The following ANKS3 variants were observed in gnomAD, a reference collection of about 807,000 sequenced individuals.
The protein encoded by ANKS3 is ankyrin repeat and sterile alpha motif domain containing 3, also known as ankyrin repeat and SAM domain-containing protein 3.
In ANKS3, 62 loss-of-function variants were observed where a neutral mutation model predicts 80.7. That is an observed-to-expected ratio of 0.77 (90% CI 0.63 to 0.95). The LOEUF (loss-of-function observed/expected upper bound fraction) is 0.95. Ranked by LOEUF, ANKS3 falls within the 40% of genes least tolerant of loss-of-function variation. The pLI is 0.00. For synonymous variants in ANKS3, 489 were observed against 355.3 expected (o/e 1.38, Z -4.23); for missense variants, 1,150 against 883.6 (o/e 1.30, Z -3.82).
At chr16:4,721,661 G>C (rs1386473924) in intron 6 of ANKS3, among the ~76,000 whole-genome samples, 1 of 126,854 alleles carries the variant, frequency 7.9e-6, no homozygotes, top group Admixed American at 8.2e-5. Flanking sequence ...TTTATTTAGA[G>C]ATAGTCTCAC....
intron 3 of ANKS3, chr16:4,728,016 C>T (rs1482516994): frequency 6.6e-6 from 1 of 152,216 alleles, no homozygotes; most frequent in African/African-American, 2.4e-5. Flanking sequence ...GGTGACTGAA[C>T]CCCAGGATCT....
intron 6 of ANKS3, 52 bp downstream of exon 6, chr16:4,724,698 G>T (rs1488270303): frequency 4.6e-6 from 7 of 1,511,898 alleles, no homozygotes; most frequent in Non-Finnish European, 5.5e-6. Context: ...TCAGTAATAT[G>T]ATTCCTCATT....
intron 7 of ANKS3, among the ~76,000 whole-genome samples, chr16:4,707,415 G>C (rs1659492): frequency 0.41 from 61,566 of 151,566 alleles, 15,024 homozygotes; most frequent in East Asian, 0.65. Context: ...CCGAGTAGCT[G>C]GGATTGTAAG....
intron 6 of ANKS3, among the ~76,000 whole-genome samples, chr16:4,716,027 G>C (rs771790389): frequency 6.6e-6 from 1 of 151,928 alleles, no homozygotes; most frequent in Non-Finnish European, 1.5e-5. Context: ...GAGTACCTGC[G>C]GTGACACGGA....
At position 4,713,594 on chromosome 16, in the gene ANKS3, G is replaced by A. The variant is rs189760765; in HGVS notation, c.709+457C>T. ...CTCCTGCAAGACCCAAAAGTACATT[G>A]GAACAAGAAGTCATCCCTTGTTCTT... is the stretch of plus-strand genomic sequence containing the variant. On this transcript the variant is annotated intron_variant, in intron 7 of 17. Coordinates refer to ENST00000304283, the MANE Select transcript of ANKS3 (RefSeq NM_133450.4). 1.0e-3 allele frequency among the ~76,000 whole-genome samples: 154 copies of A among 152,222 alleles called. 1 individual carries two copies. The highest frequency in any genetic ancestry group is 3.7e-3 in the African/African-American group (153 of 41,536).
In ANKS3 at chr16:4,696,601, G is replaced by A. The variant is rs909281954; in HGVS notation, c.*307C>T. The A allele has an allele frequency of 4.9e-6, 1 of 203,880 alleles. No individual in the cohort carries two copies. The highest frequency in any genetic ancestry group is 9.9e-6 in the Non-Finnish European group (1 of 100,516). 12.6% of individuals were successfully genotyped at this position (203,880 alleles called of 1,614,324 possible). On this transcript the variant is annotated 3_prime_UTR_variant, in exon 18 of 18. Coordinates refer to ENST00000304283, the MANE Select transcript of ANKS3 (RefSeq NM_133450.4). Reference sequence around the variant, plus strand: ...AGGTCCCACCTCAGTTGGCACCTGTGCGTGTATATGGATACACTTTCCCCC... The same window carrying A: ...AGGTCCCACCTCAGTTGGCACCTGTACGTGTATATGGATACACTTTCCCCC...
At position 4,697,370 on chromosome 16, in the gene ANKS3, C is replaced by G. The variant is rs756840958; in HGVS notation, c.1857G>C (p.Glu619Asp). The G allele has an allele frequency of 2.5e-6, 4 of 1,610,278 alleles. No individual in the cohort carries two copies. The highest frequency in any genetic ancestry group is 2.5e-6 in the Non-Finnish European group (3 of 1,178,232). Reference sequence around the variant, plus strand: ...CACGGTCCTCCAGGGCTCCCGAGAGCTCGGGGAGGCTCATGGCCTGCAGGG... The same window carrying G: ...CACGGTCCTCCAGGGCTCCCGAGAGGTCGGGGAGGCTCATGGCCTGCAGGG... ...QASLQAMSLP[E>D]LSGALEDRVR... The change falls in exon 16 of 18, where the codon GAG (glutamate) becomes GAC (aspartate). Residue 619 changes from glutamate (E) to aspartate (D), a missense_variant. Physicochemically the swap from Glu to Asp is conservative, Grantham distance 45. Coordinates refer to ENST00000304283, the MANE Select transcript of ANKS3 (RefSeq NM_133450.4).
chr16:4,728,753 C>T (rs1055179140), intron 3 of ANKS3, among the ~76,000 whole-genome samples: 1 of 152,200 alleles, frequency 6.6e-6, no homozygotes, highest in African/African-American at 2.4e-5. Flanking sequence ...TGCATCTTAA[C>T]AGGACACCCA....
At chr16:4,701,181 G>C in intron 10 of ANKS3, 47 bp from the exon 11 acceptor site, 4 of 1,608,096 alleles carry the variant, frequency 2.5e-6, no homozygotes, top group Non-Finnish European at 3.4e-6. Flanking sequence ...GCTAACTTGA[G>C]AGCCTTGGTG....
intron 2 of ANKS3, among the ~76,000 whole-genome samples, chr16:4,731,156 T>C (rs1016202457): frequency 1.3e-5 from 2 of 152,006 alleles, no homozygotes; most frequent in African/African-American, 4.8e-5. Context: ...AATTAAAGGG[T>C]TGGAGGTTGG....
chr16:4,713,424 G>A (rs1046002251), intron 7 of ANKS3, among the ~76,000 whole-genome samples: 7 of 151,936 alleles, frequency 4.6e-5, no homozygotes, highest in Non-Finnish European at 2.9e-5. Context: ...AAATAGCACT[G>A]AATAATTAAT....
At chr16:4,700,553 G>A (rs1334863861) in intron 11 of ANKS3, 3 of 351,860 alleles carry the variant, frequency 8.5e-6, no homozygotes, top group African/African-American at 4.3e-5. Context: ...TGATCCCTAA[G>A]GTAATGTGTG....
At chr16:4,714,332 G>C (rs1451346928) in intron 6 of ANKS3, 146 bp from the exon 7 acceptor site, 1 of 1,248,666 alleles carries the variant, frequency 8.0e-7, no homozygotes, top group South Asian at 1.5e-5. Context: ...TGAGAAAGAG[G>C]CAGGCTTGTC....
At chr16:4,720,766 C>G (rs367840816) in intron 6 of ANKS3, among the ~76,000 whole-genome samples, 3 of 150,340 alleles carry the variant, frequency 2.0e-5, no homozygotes, top group African/African-American at 7.3e-5. Flanking sequence ...ATGCCGAAAC[C>G]CTGTCTACTA....
intron 9 of ANKS3, 184 bp downstream of exon 9, chr16:4,701,918 G>T: frequency 1.4e-6 from 1 of 738,736 alleles, no homozygotes; most frequent in East Asian, 3.0e-5. Context: ...AAGCCGCACG[G>T]GGATGCTGGA....
intron 5 of ANKS3, 91 bp from the exon 6 acceptor site, chr16:4,724,922 C>A: frequency 9.4e-7 from 1 of 1,067,000 alleles, no homozygotes; most frequent in Non-Finnish European, 1.4e-6. Flanking sequence ...GAGCAGTGCA[C>A]GAGTCACCGA....
rs758591231 is a variant in ANKS3, at chr16:4,701,570, C to T, written c.1010-27G>A. 16 of 1,585,808 alleles carry T rather than the reference C, an allele frequency of 1.0e-5. No individual in the cohort carries two copies. In the South Asian group the frequency reaches 1.2e-4, roughly 12 times the overall value. Reference sequence around the variant, plus strand: ...TGAGGGCGGGAAGACAGGGCGTCCGCCTGCAGCCCTCACCGAGGTGCTGCG... The same window carrying T: ...TGAGGGCGGGAAGACAGGGCGTCCGTCTGCAGCCCTCACCGAGGTGCTGCG... On this transcript the variant is annotated intron_variant, in intron 9 of 17. Transcript: ENST00000304283.
At chr16:4,704,951 A>T in intron 8 of ANKS3, 144 bp downstream of exon 8, 2 of 1,053,070 alleles carry the variant, frequency 1.9e-6, no homozygotes, top group Non-Finnish European at 2.8e-6. Context: ...AGTCTCCCTG[A>T]GCATGAAAGC....
chr16:4,697,467 G>A (rs1290283649), intron 15 of ANKS3, 51 bp from the exon 16 acceptor site: 2 of 1,432,700 alleles, frequency 1.4e-6, no homozygotes, highest in African/African-American at 2.8e-5. Flanking sequence ...CGTCCCCACA[G>A]GCCCTGCTTT....
Sources: allele counts gnomAD v4.1 joint callset (sites outside exome capture counted in the v4.1 genomes callset), GRCh38; gene constraint gnomAD v4.1.1; transcripts MANE v1.5; gene names NCBI Gene and HGNC (gene_info 2026-07-23, HGNC 2026-07-21).